Variants in CDK14 observed in about 807,000 individuals in gnomAD.
CDK14 encodes the protein cyclin-dependent kinase 14.
A neutral mutation model predicts 60.7 loss-of-function variants in CDK14; 34 were observed. The observed-to-expected ratio is 0.56, with a 90% CI of 0.43 to 0.75. The LOEUF is 0.75. Among genes scored for constraint, CDK14 ranks in the 30% least tolerant of loss-of-function variants. CDK14 has a pLI of 0.00. For synonymous variants in CDK14, 197 were observed against 203.7 expected (o/e 0.97, Z 0.28); for missense variants, 482 against 564.1 (o/e 0.85, Z 1.47).
chr7:90,987,000 A>T (rs997043265), intron 10 of CDK14, among the ~76,000 whole-genome samples: 1 of 138,902 alleles, frequency 7.2e-6, no homozygotes, highest in Non-Finnish European at 1.6e-5. Context: ...ATTATAAAGG[A>T]AAAGAAATTG....
In CDK14 at chr7:90,886,686, G is replaced by A. The variant is rs570450151; in HGVS notation, c.640-12605G>A. Among the ~76,000 whole-genome samples the A allele has an allele frequency of 5.9e-5, 9 of 152,280 alleles. No individual in the cohort carries two copies. In the South Asian group the frequency reaches 1.9e-3, roughly 32 times the overall value. ...AAAAGCGTAAAACATATTATGAGGA[G>A]CAATGGTGTTGGTCTTTGCTGCTTG... On this transcript the variant is annotated intron_variant, in intron 6 of 14. Transcript: ENST00000380050.
chr7:90,903,664 A>C (rs1315727295), intron 7 of CDK14, among the ~76,000 whole-genome samples: 3 of 152,174 alleles, frequency 2.0e-5, no homozygotes, highest in African/African-American at 7.2e-5. Flanking sequence ...TAGTCTAACA[A>C]TAGTTAACAA....
At chr7:90,604,165 GT>G in intron 1 of CDK14, 52 bp from the exon 2 acceptor site, 1 of 1,209,218 alleles carries the variant, frequency 8.3e-7, no homozygotes, top group Non-Finnish European at 1.2e-6. Context: ...CTATAACTTA[GT>G]CTCTTTGGAA....
chr7:90,634,230 A>C (rs1223453131), intron 2 of CDK14, among the ~76,000 whole-genome samples: 2 of 150,766 alleles, frequency 1.3e-5, no homozygotes, highest in Non-Finnish European at 3.0e-5. Context: ...GGGGTGCTGC[A>C]CCCATTAACT....
chr7:91,161,648 A>G (rs1362214471), intron 14 of CDK14, among the ~76,000 whole-genome samples: 2 of 152,224 alleles, frequency 1.3e-5, no homozygotes, highest in Admixed American at 6.5e-5. Context: ...CTTTTTAACA[A>G]ATCCTTTCCT....
At chr7:90,808,158 A>T (rs1238084811) in intron 5 of CDK14, among the ~76,000 whole-genome samples, 1 of 152,156 alleles carries the variant, frequency 6.6e-6, no homozygotes, top group Non-Finnish European at 1.5e-5. Flanking sequence ...CAAGACACAT[A>T]ATTGTCAGGT....
intron 2 of CDK14, among the ~76,000 whole-genome samples, chr7:90,650,061 T>C (rs1330059991): frequency 6.6e-6 from 1 of 152,170 alleles, no homozygotes; most frequent in East Asian, 1.9e-4. Context: ...TTGAACTAAT[T>C]TACACTCCCA....
At chr7:91,206,993 A>G (rs1037535954) in intron 14 of CDK14, among the ~76,000 whole-genome samples, 172 bp from the exon 15 acceptor site, 2 of 151,268 alleles carry the variant, frequency 1.3e-5, no homozygotes, top group African/African-American at 2.4e-5. Context: ...TATTAGAAGG[A>G]TTTTTTTTTG....
At chr7:90,960,098 A>G (rs1240844485) in intron 9 of CDK14, among the ~76,000 whole-genome samples, 4 of 152,060 alleles carry the variant, frequency 2.6e-5, no homozygotes, top group Admixed American at 6.6e-5. Flanking sequence ...CTTGCTAGGA[A>G]GCTCTGCTCA....
chr7:90,735,951 G>T (rs1803081477), intron 3 of CDK14, among the ~76,000 whole-genome samples: 1 of 152,214 alleles, frequency 6.6e-6, no homozygotes, highest in Non-Finnish European at 1.5e-5. Flanking sequence ...AGGCCCTGGT[G>T]GCCTAGGCAC....
intron 4 of CDK14, among the ~76,000 whole-genome samples, chr7:90,748,546 A>G (rs1006742297): frequency 6.6e-6 from 1 of 152,204 alleles, no homozygotes; most frequent in Non-Finnish European, 1.5e-5. Context: ...AATTTTCTAT[A>G]CTGTCCCTGT....
At chr7:90,736,344 G>GC (rs1563063351) in intron 3 of CDK14, among the ~76,000 whole-genome samples, 4 of 41,026 alleles carry the variant, frequency 9.7e-5, no homozygotes, top group Non-Finnish European at 9.2e-5. Flanking sequence ...ACTTTATTAT[G>GC]TTTTTGTTTT....
intron 9 of CDK14, among the ~76,000 whole-genome samples, chr7:90,968,731 T>C (rs1339296467): frequency 2.6e-5 from 4 of 152,186 alleles, no homozygotes; most frequent in Non-Finnish European, 5.9e-5. Context: ...AATTTCCATC[T>C]ATTTGTGACC....
At chr7:90,984,122 G>A (rs961231374) in intron 9 of CDK14, 26 bp from the exon 10 acceptor site, 3 of 1,461,198 alleles carry the variant, frequency 2.1e-6, no homozygotes, top group Non-Finnish European at 2.9e-6. Flanking sequence ...TTGAAGTTTT[G>A]TAACGATTCT....
intron 8 of CDK14, among the ~76,000 whole-genome samples, chr7:90,947,284 A>G (rs1473240894): frequency 6.6e-6 from 1 of 152,060 alleles, no homozygotes; most frequent in African/African-American, 2.4e-5. Context: ...GCTGGTCACC[A>G]TTCTGGACTT....
At chr7:91,137,666 G>A (rs934390137) in intron 14 of CDK14, among the ~76,000 whole-genome samples, 2 of 134,152 alleles carry the variant, frequency 1.5e-5, no homozygotes, top group Non-Finnish European at 3.1e-5. Flanking sequence ...CCTCACTTAT[G>A]AGCTCTACTT....
chr7:90,882,039 A>G (rs1448110686), intron 6 of CDK14, among the ~76,000 whole-genome samples: 1 of 152,202 alleles, frequency 6.6e-6, no homozygotes, highest in Non-Finnish European at 1.5e-5. Flanking sequence ...CTAGTGTGCA[A>G]AATAACCAAA....
At chr7:90,958,875 T>G (rs146500055) in intron 9 of CDK14, among the ~76,000 whole-genome samples, 185 of 152,216 alleles carry the variant, frequency 1.2e-3, no homozygotes, top group African/African-American at 4.2e-3. Context: ...GGTAGTTCAG[T>G]TAAGATTCTA....
chr7:91,053,776 CG>C (rs1172837293), intron 11 of CDK14, among the ~76,000 whole-genome samples: 3 of 151,998 alleles, frequency 2.0e-5, no homozygotes, highest in Admixed American at 6.6e-5. Context: ...AAATTGTTGT[CG>C]GGGTGGGATA....
Sources: allele counts gnomAD v4.1 joint callset (sites outside exome capture counted in the v4.1 genomes callset), GRCh38; gene constraint gnomAD v4.1.1; transcripts MANE v1.5; gene names NCBI Gene and HGNC (gene_info 2026-07-23, HGNC 2026-07-21).